The following NINJ2 variants were observed in gnomAD, a reference collection of about 807,000 sequenced individuals.
NINJ2 encodes the protein ninjurin-2.
Under a neutral mutation model 11.7 loss-of-function variants are expected in NINJ2, and 12 were observed. That is an observed-to-expected ratio of 1.02 (90% CI 0.66 to 1.66). The LOEUF is 1.66. NINJ2 is among the 40% of genes most tolerant of loss of function. The pLI is 0.00. For synonymous variants in NINJ2, 93 were observed against 76.8 expected (o/e 1.21, Z -1.10); for missense variants, 187 against 181.8 (o/e 1.03, Z -0.16).
intron 1 of NINJ2, among the ~76,000 whole-genome samples, chr12:636,268 C>T (rs931224327): frequency 1.3e-5 from 2 of 151,882 alleles, no homozygotes; most frequent in East Asian, 1.9e-4. Context: ...CCAAGCTACT[C>T]GGGAGGCTGA....
In NINJ2 at chr12:663,433, C is replaced by T. The variant is rs747357110; in HGVS notation, c.-73G>A. On this transcript the variant is annotated 5_prime_UTR_variant, in exon 1 of 4. Coordinates refer to ENST00000305108, the MANE Select transcript of NINJ2 (RefSeq NM_016533.6). ...CTGCGTGGGCTCCTCCAGGCTCCGC[C>T]GTCTGAGTCTCTGCTGCTTTCTTCG... The T allele has an allele frequency of 6.2e-7, 1 of 1,614,032 alleles. No individual in the cohort carries two copies. Among genetic ancestry groups the T allele is most frequent in the Non-Finnish European group, 8.5e-7 (1 of 1,179,956 alleles).
At chr12:602,802 T>C (rs1947889015) in intron 1 of NINJ2, among the ~76,000 whole-genome samples, 1 of 152,202 alleles carries the variant, frequency 6.6e-6, no homozygotes, top group Non-Finnish European at 1.5e-5. Context: ...AGTCCCCTAA[T>C]GAGTGTAAAG....
chr12:565,930 C>T lies in NINJ2; in HGVS notation c.262+20G>A. 6.2e-7 allele frequency: 1 copy of T among 1,609,722 alleles called. No individual in the cohort carries two copies. Among genetic ancestry groups the T allele is most frequent in the South Asian group, 1.1e-5 (1 of 91,006 alleles). On this transcript the variant is annotated intron_variant, in intron 2 of 3. Coordinates refer to ENST00000305108, the MANE Select transcript of NINJ2 (RefSeq NM_016533.6). ...ACGGGTGCCGAGGCAGAAGGTCTGA[C>T]TGCAGGCTGGGCTCCTCACCAATGA...
At chr12:617,669 G>GC (rs1395245289) in intron 1 of NINJ2, among the ~76,000 whole-genome samples, 1 of 152,216 alleles carries the variant, frequency 6.6e-6, no homozygotes, top group Admixed American at 6.5e-5. Context: ...CCCAGCTGCA[G>GC]CCCCGCTGGC....
chr12:610,697 G>T, intron 1 of NINJ2: 5 of 694,514 alleles, frequency 7.2e-6, no homozygotes, highest in Non-Finnish European at 8.8e-6. Flanking sequence ...ACTGGGCTAT[G>T]ACAAGGACAA....
intron 1 of NINJ2, among the ~76,000 whole-genome samples, chr12:588,510 CAATCCCTGGG>C (rs1947674521): frequency 6.6e-6 from 1 of 152,192 alleles, no homozygotes; most frequent in Non-Finnish European, 1.5e-5. Context: ...ATTCTCATAA[CAATCCCTGGG>C]ATAAGTACTG....
At chr12:568,416 A>T (rs2120783208) in intron 1 of NINJ2, among the ~76,000 whole-genome samples, 1 of 152,162 alleles carries the variant, frequency 6.6e-6, no homozygotes, top group Middle Eastern at 3.4e-3. Flanking sequence ...TGCTCTTCTC[A>T]CTTCCTTTCC....
intron 1 of NINJ2, among the ~76,000 whole-genome samples, chr12:653,210 C>T (rs940610412): frequency 2.0e-5 from 3 of 151,478 alleles, no homozygotes; most frequent in African/African-American, 4.8e-5. Flanking sequence ...TTAGTAGAGA[C>T]GAGGTTTCAC....
intron 1 of NINJ2, among the ~76,000 whole-genome samples, chr12:594,539 A>C (rs1045278294): frequency 1.3e-5 from 2 of 152,150 alleles, no homozygotes; most frequent in Non-Finnish European, 2.9e-5. Flanking sequence ...TGTAATTCCA[A>C]CACTTTGGGA....
At chr12:597,330 C>T (rs1225379803) in intron 1 of NINJ2, among the ~76,000 whole-genome samples, 1 of 152,146 alleles carries the variant, frequency 6.6e-6, no homozygotes, top group Non-Finnish European at 1.5e-5. Context: ...TGGGTTACTG[C>T]GTGTAAAGTA....
At chr12:584,755 G>C (rs1270567791) in intron 1 of NINJ2, among the ~76,000 whole-genome samples, 1 of 152,004 alleles carries the variant, frequency 6.6e-6, no homozygotes, top group Non-Finnish European at 1.5e-5. Flanking sequence ...GCAGTGAGCC[G>C]AGATTGCGCC....
In NINJ2 at chr12:633,238, C is replaced by G. The variant is rs1201461630; in HGVS notation, c.33+30090G>C. Among the ~76,000 whole-genome samples, 1 of 152,090 alleles carries G rather than the reference C, an allele frequency of 6.6e-6. No homozygotes were observed. The highest frequency in any genetic ancestry group is 2.4e-5 in the African/African-American group (1 of 41,426). On this transcript the variant is annotated intron_variant, in intron 1 of 3. Coordinates refer to ENST00000305108, the MANE Select transcript of NINJ2 (RefSeq NM_016533.6). This position sits in a 1 kb window ranked among gnomAD's most constrained non-coding sequence, Gnocchi z 4.3. ...CAAGGCCGGGCGCGGTGGCTCACAC[C>G]TGTAATCCTAGCTCTTTGGGAGGCC...
intron 1 of NINJ2, among the ~76,000 whole-genome samples, chr12:598,034 T>C (rs1052094399): frequency 3.3e-5 from 5 of 152,242 alleles, no homozygotes; most frequent in Non-Finnish European, 5.9e-5. Flanking sequence ...CGGAGAAAGC[T>C]TGGTCTCTCG....
At chr12:655,949 A>G (rs1937866638) in intron 1 of NINJ2, among the ~76,000 whole-genome samples, 2 of 152,032 alleles carry the variant, frequency 1.3e-5, no homozygotes, top group South Asian at 4.1e-4. Flanking sequence ...TAAATATAAA[A>G]TAAATAGATA....
chr12:646,331 C>G (rs1366122842), intron 1 of NINJ2, among the ~76,000 whole-genome samples: 1 of 152,180 alleles, frequency 6.6e-6, no homozygotes, highest in Non-Finnish European at 1.5e-5. Flanking sequence ...GGCCTGAAAG[C>G]ACAGAGCTCT....
rs1316066405 is a variant in NINJ2 at position 564,657 on chromosome 12, G to A, written c.*43C>T. ...CGAGCCTGGCAGATCACGGAGGAAG[G>A]AGGCAGAAGTTCCAGGCCCAGAACC... On this transcript the variant is annotated 3_prime_UTR_variant, in exon 4 of 4. Coordinates refer to ENST00000305108, the MANE Select transcript of NINJ2 (RefSeq NM_016533.6). The A allele has an allele frequency of 6.6e-6, 1 of 152,574 alleles. No individual in the cohort carries two copies. The highest frequency in any genetic ancestry group is 2.4e-5 in the African/African-American group (1 of 41,482). The allele number at this position is 152,574 out of a possible 1,614,324, so 9.5% of individuals were successfully genotyped here. A position where few individuals can be genotyped will look rare whatever the true frequency, so the allele number is the denominator to read the frequency against.
Position 581,271 on chromosome 12 carries a change from A to G in NINJ2, c.34-15093T>C, listed in dbSNP as rs1947550806. ...CTGGCCATAGACCTGTAGATGAGAC[A>G]GGCTACAGACAAGGCAGGGATACTG... is the stretch of plus-strand genomic sequence containing the variant. On this transcript the variant is annotated intron_variant, in intron 1 of 3. Coordinates refer to ENST00000305108, the MANE Select transcript of NINJ2 (RefSeq NM_016533.6). This position sits in a 1 kb window ranked among gnomAD's most constrained non-coding sequence, Gnocchi z 4.9. 1.3e-5 allele frequency among the ~76,000 whole-genome samples: 2 copies of G among 152,146 alleles called. No homozygotes were observed. Among genetic ancestry groups the G allele is most frequent in the Non-Finnish European group, 2.9e-5 (2 of 68,032 alleles).
intron 1 of NINJ2, among the ~76,000 whole-genome samples, chr12:622,434 A>AAAAT (rs1206701601): frequency 1.7e-4 from 25 of 144,318 alleles, no homozygotes; most frequent in African/African-American, 5.6e-4. Context: ...AAAAAAAAAA[A>AAAAT]GGAAAGAAAG....
intron 1 of NINJ2, among the ~76,000 whole-genome samples, chr12:646,391 C>T (rs1276623304): frequency 6.6e-6 from 1 of 152,202 alleles, no homozygotes; most frequent in Non-Finnish European, 1.5e-5. Context: ...GTGCCTGGAG[C>T]AGCCCAGGAT....
Sources: allele counts gnomAD v4.1 joint callset (sites outside exome capture counted in the v4.1 genomes callset), GRCh38; gene constraint gnomAD v4.1.1; non-coding constraint Gnocchi (gnomAD v3.1); transcripts MANE v1.5; gene names NCBI Gene and HGNC (gene_info 2026-07-23, HGNC 2026-07-21).